TMEM135: variants seen among roughly 807,000 people sequenced by gnomAD.
The protein encoded by TMEM135 is peroxisomal membrane protein 52.
Under a neutral mutation model 60.3 loss-of-function variants are expected in TMEM135, and 30 were observed. The ratio of observed to expected loss-of-function variants is 0.50; its 90% CI spans 0.37 to 0.68. The LOEUF is 0.68. TMEM135 is among the 30% of genes least tolerant of loss of function. The pLI is 0.00. For missense variants in TMEM135, 468 were observed against 548.8 expected (o/e 0.85, Z 1.47); for synonymous variants, 190 against 186.7 (o/e 1.02, Z -0.14).
intron 5 of TMEM135, among the ~76,000 whole-genome samples, chr11:87,202,713 A>AT (rs916175624): frequency 2.0e-5 from 3 of 147,908 alleles, no homozygotes; most frequent in South Asian, 2.1e-4. Context: ...TCCCAAGTGA[A>AT]TTTTTTTAAA....
At chr11:87,311,143 TTTG>T (rs1942635899) in intron 10 of TMEM135, among the ~76,000 whole-genome samples, 3 of 151,648 alleles carry the variant, frequency 2.0e-5, no homozygotes, top group Non-Finnish European at 4.4e-5. Flanking sequence ...ATACACACTT[TTTG>T]TTGTTAAATG....
intron 5 of TMEM135, among the ~76,000 whole-genome samples, chr11:87,189,133 TCCTTTC>T (rs1202236892): frequency 2.6e-5 from 4 of 151,506 alleles, no homozygotes; most frequent in Non-Finnish European, 5.9e-5. Flanking sequence ...CTTTCCCTTT[TCCTTTC>T]CCTTTCCCTT....
rs182060913 is a variant in TMEM135, at chr11:87,306,859, T to C, written c.768+854T>C. ...TCATCCTCCTGAGTAGCTGGGATGATTGCAGGCACCCATCATCATGCCTGG... is the reference window on the plus strand; with the variant it reads ...TCATCCTCCTGAGTAGCTGGGATGACTGCAGGCACCCATCATCATGCCTGG... On this transcript the variant is annotated intron_variant, in intron 9 of 14. Coordinates refer to ENST00000305494, the MANE Select transcript of TMEM135 (RefSeq NM_022918.4). Among the ~76,000 whole-genome samples the C allele has an allele frequency of 1.5e-3, 224 of 152,092 alleles. 1 individual carries two copies. The highest frequency in any genetic ancestry group is 5.3e-3 in the African/African-American group (219 of 41,518).
Position 87,321,915 on chromosome 11 carries a change from C to T in TMEM135, c.*582C>T, listed in dbSNP as rs1942828889. 2.2e-6 allele frequency: 1 copy of T among 454,266 alleles called. No homozygotes were observed. 28.1% of individuals were successfully genotyped at this position (454,266 alleles called of 1,614,324 possible). The stretch of plus-strand genomic sequence containing the variant: ...ACTTCAGGGATGCAAAGATGGGTCT[C>T]ATACCATTTGGATAAATGTCGTGGT... On this transcript the variant is annotated 3_prime_UTR_variant, in exon 15 of 15. Transcript: ENST00000305494.
chr11:87,099,172 T>C (rs531361533), intron 4 of TMEM135, among the ~76,000 whole-genome samples: 77 of 152,330 alleles, frequency 5.1e-4, no homozygotes, highest in African/African-American at 1.8e-3. Context: ...ACTGTGCGTA[T>C]TCATACACTT....
At chr11:87,110,891 C>T (rs182500032) in intron 4 of TMEM135, among the ~76,000 whole-genome samples, 186 of 152,150 alleles carry the variant, frequency 1.2e-3, no homozygotes, top group South Asian at 0.011. Context: ...ACTAGCATTG[C>T]GCAGTCATAT....
chr11:87,325,673 C>A lies in TMEM135; in HGVS notation c.*4340C>A, dbSNP rs1409958538. ...TCTGGAGTGATCATAACGGTGATAA[C>A]AATGGAGTAAACATTTCCAGAGACA... is the stretch of plus-strand genomic sequence containing the variant. On this transcript the variant is annotated 3_prime_UTR_variant, in exon 15 of 15. Coordinates refer to ENST00000305494, the MANE Select transcript of TMEM135 (RefSeq NM_022918.4). 4 of 453,014 alleles carry A rather than the reference C, an allele frequency of 8.8e-6. No individual in the cohort carries two copies. Among genetic ancestry groups the A allele is most frequent in the South Asian group, 4.7e-5 (3 of 64,388 alleles). The allele number at this position is 453,014 out of a possible 1,614,324, so 28.1% of individuals were successfully genotyped here.
intron 11 of TMEM135, 80 bp downstream of exon 11, chr11:87,313,568 C>A: frequency 8.4e-7 from 1 of 1,183,734 alleles, no homozygotes; most frequent in South Asian, 1.3e-5. Flanking sequence ...TCCAATTCAT[C>A]CAATTTCTAT....
chr11:87,312,739 AT>A (rs1942662967), intron 10 of TMEM135, among the ~76,000 whole-genome samples: 1 of 151,988 alleles, frequency 6.6e-6, no homozygotes, highest in Non-Finnish European at 1.5e-5. Flanking sequence ...TGTAAAAATG[AT>A]TATTAGCTCC....
chr11:87,302,170 G>T, intron 7 of TMEM135, 126 bp from the exon 8 acceptor site: 6 of 1,007,560 alleles, frequency 6.0e-6, no homozygotes, highest in Non-Finnish European at 7.2e-6. Flanking sequence ...TATGTAAATT[G>T]TGAAAATACT....
intron 5 of TMEM135, among the ~76,000 whole-genome samples, chr11:87,222,494 G>A (rs1287298332): frequency 8.4e-6 from 1 of 118,400 alleles, no homozygotes; most frequent in African/African-American, 3.2e-5. Context: ...GCAAGACTCC[G>A]TCTCCAAAAA....
intron 6 of TMEM135, among the ~76,000 whole-genome samples, chr11:87,240,629 A>G (rs1941109844): frequency 3.3e-5 from 5 of 152,060 alleles, no homozygotes; most frequent in Admixed American, 3.3e-4. Context: ...ACTTAACCCT[A>G]CTCACACATA....
intron 1 of TMEM135, among the ~76,000 whole-genome samples, 181 bp downstream of exon 1, chr11:87,038,367 A>T (rs1410466154): frequency 6.6e-6 from 1 of 151,968 alleles, no homozygotes; most frequent in East Asian, 1.9e-4. Flanking sequence ...AGGATATACC[A>T]ATTCCTGCAA....
intron 5 of TMEM135, among the ~76,000 whole-genome samples, chr11:87,174,704 G>A (rs2135294114): frequency 1.3e-5 from 2 of 152,182 alleles, no homozygotes; most frequent in South Asian, 4.1e-4. Context: ...ATAGCTCCTT[G>A]GAAACTGTGA....
chr11:87,106,504 A>G (rs1454788909), intron 4 of TMEM135, among the ~76,000 whole-genome samples: 1 of 152,138 alleles, frequency 6.6e-6, no homozygotes, highest in Non-Finnish European at 1.5e-5. Flanking sequence ...CATCAGGGAT[A>G]TTGGCCTGTA....
chr11:87,260,531 ATT>A (rs11338743), intron 6 of TMEM135, among the ~76,000 whole-genome samples: 8 of 151,198 alleles, frequency 5.3e-5, no homozygotes, highest in African/African-American at 7.3e-5. Context: ...TTTATTATCT[ATT>A]TTTTTTTGGA....
intron 5 of TMEM135, among the ~76,000 whole-genome samples, chr11:87,170,681 T>A (rs1195741495): frequency 6.6e-6 from 1 of 152,146 alleles, no homozygotes; most frequent in Non-Finnish European, 1.5e-5. Context: ...CAGAGTGGCA[T>A]CCATCAGATG....
At chr11:87,285,824 C>G (rs543180718) in intron 6 of TMEM135, among the ~76,000 whole-genome samples, 5 of 152,134 alleles carry the variant, frequency 3.3e-5, no homozygotes, top group Non-Finnish European at 7.4e-5. Flanking sequence ...ATTTTACAGA[C>G]AGCTGATTGG....
intron 4 of TMEM135, among the ~76,000 whole-genome samples, chr11:87,128,905 TAC>T (rs35418233): frequency 0.48 from 72,207 of 151,634 alleles, 17,462 homozygotes; most frequent in East Asian, 0.67. Context: ...TGGAATACTA[TAC>T]AGTATATAAG....
Sources: allele counts gnomAD v4.1 joint callset (sites outside exome capture counted in the v4.1 genomes callset), GRCh38; gene constraint gnomAD v4.1.1; transcripts MANE v1.5; gene names NCBI Gene and HGNC (gene_info 2026-07-23, HGNC 2026-07-21).